The following FHIT variants were observed in gnomAD, a reference collection of about 807,000 sequenced individuals.
FHIT encodes the protein bis(5'-adenosyl)-triphosphatase.
A neutral mutation model predicts 17.9 loss-of-function variants in FHIT; 19 were observed. The observed-to-expected ratio is 1.06, with a 90% CI of 0.74 to 1.56. The LOEUF is 1.56. Ranked by LOEUF, FHIT falls within the 40% of genes most tolerant of loss-of-function variation. FHIT has a pLI of 0.00. For synonymous variants in FHIT, 81 were observed against 69.7 expected, an observed-to-expected ratio of 1.16 and a Z score of -0.81; for missense variants, 248 against 189.2, an observed-to-expected ratio of 1.31 and a Z score of -1.82.
At chr3:60,907,451 G>T (rs1553764835) in intron 3 of FHIT, among the ~76,000 whole-genome samples, 1 of 152,166 alleles carries the variant, frequency 6.6e-6, no homozygotes, top group African/African-American at 2.4e-5. Context: ...TGTAATCCTT[G>T]ATTGTATTCT....
At chr3:60,698,947 T>C (rs1051551625) in intron 4 of FHIT, among the ~76,000 whole-genome samples, 1 of 152,172 alleles carries the variant, frequency 6.6e-6, no homozygotes, top group African/African-American at 2.4e-5. Flanking sequence ...CTCCCATTCA[T>C]CTTAATACAT....
chr3:60,123,294 T>G (rs372269918), intron 5 of FHIT, among the ~76,000 whole-genome samples: 2 of 152,326 alleles, frequency 1.3e-5, no homozygotes, highest in South Asian at 2.1e-4. Flanking sequence ...TACTGAAATA[T>G]AAAGTATGAT....
At chr3:60,278,755 T>A (rs1177345977) in intron 5 of FHIT, among the ~76,000 whole-genome samples, 1 of 151,930 alleles carries the variant, frequency 6.6e-6, no homozygotes, top group African/African-American at 2.4e-5. Context: ...TCACTCGAGG[T>A]ATTATTTCCA....
At chr3:60,260,286 T>A (rs1283706576) in intron 5 of FHIT, among the ~76,000 whole-genome samples, 1 of 151,510 alleles carries the variant, frequency 6.6e-6, no homozygotes, top group Non-Finnish European at 1.5e-5. Flanking sequence ...GTAACACAGC[T>A]AGATATTTAA....
At chr3:60,326,030 T>A (rs1435950761) in intron 5 of FHIT, among the ~76,000 whole-genome samples, 1 of 152,088 alleles carries the variant, frequency 6.6e-6, no homozygotes, top group Non-Finnish European at 1.5e-5. Flanking sequence ...AGATAAGAAC[T>A]TGACCATGAG....
At chr3:60,877,172 G>A (rs1433785345) in intron 3 of FHIT, among the ~76,000 whole-genome samples, 2 of 152,178 alleles carry the variant, frequency 1.3e-5, no homozygotes, top group African/African-American at 4.8e-5. Flanking sequence ...CATGGCAACT[G>A]TGCTATATCA....
Position 60,955,635 on chromosome 3 carries a change from C to CATGTATATATATATATATATATATACAT in FHIT, c.-111+86411_-111+86412insATGTATATATATATATATATATATACAT. ...ATATATATATATATATATATATATACACACACACACATATATACATGTGAC... is the reference window on the plus strand; with the variant it reads ...ATATATATATATATATATATATATACATGTATATATATATATATATATATACATACACACACACATATATACATGTGAC... On this transcript the variant is annotated intron_variant, in intron 3 of 9. Coordinates refer to ENST00000492590, the MANE Select transcript of FHIT (RefSeq NM_002012.4). 1.2e-4 allele frequency among the ~76,000 whole-genome samples: 6 copies of CATGTATATATATATATATATATATACAT among 48,366 alleles called. No individual in the cohort carries two copies. In the East Asian group the frequency reaches 3.1e-3, roughly 25 times the overall value. The allele number at this position is 48,366 out of a possible 152,430, so 31.7% of individuals were successfully genotyped here.
At chr3:60,033,155 G>C (rs1701072687) in intron 5 of FHIT, among the ~76,000 whole-genome samples, 2 of 152,108 alleles carry the variant, frequency 1.3e-5, no homozygotes, top group Admixed American at 1.3e-4. Flanking sequence ...TTTTAAAACA[G>C]TCAAAGAACT....
intron 7 of FHIT, among the ~76,000 whole-genome samples, chr3:60,007,675 TAA>T (rs1699977534): frequency 6.6e-6 from 1 of 152,094 alleles, no homozygotes; most frequent in African/African-American, 2.4e-5. Context: ...CCTTTAGAAA[TAA>T]AGACCTAAAG....
chr3:60,172,115 A>G (rs1391179284), intron 5 of FHIT, among the ~76,000 whole-genome samples: 1 of 152,220 alleles, frequency 6.6e-6, no homozygotes, highest in Admixed American at 6.5e-5. Flanking sequence ...GTTTCTTAAT[A>G]CAACAAAAGG....
intron 4 of FHIT, among the ~76,000 whole-genome samples, chr3:60,707,425 T>C (rs79803590): frequency 6.6e-6 from 1 of 152,214 alleles, no homozygotes; most frequent in Non-Finnish European, 1.5e-5. Flanking sequence ...AGAGTATTTA[T>C]TGAATCTATC....
chr3:60,809,358 A>G (rs1461637775), intron 4 of FHIT, among the ~76,000 whole-genome samples: 3 of 152,166 alleles, frequency 2.0e-5, no homozygotes, highest in Admixed American at 1.3e-4. Flanking sequence ...AGGCAATAGA[A>G]TATGTGTGTA....
At chr3:60,651,541 C>CT (rs11328354) in intron 4 of FHIT, among the ~76,000 whole-genome samples, 1,993 of 148,214 alleles carry the variant, frequency 0.013, 44 homozygotes, top group African/African-American at 0.043. Context: ...TAGATCCAAT[C>CT]TTTTTTTTTT....
At chr3:60,153,568 A>G (rs1700560069) in intron 5 of FHIT, among the ~76,000 whole-genome samples, 1 of 152,176 alleles carries the variant, frequency 6.6e-6, no homozygotes, top group African/African-American at 2.4e-5. Context: ...GTCAATTGCC[A>G]TGGGGCACAA....
At chr3:60,291,908 C>G (rs373799361) in intron 5 of FHIT, among the ~76,000 whole-genome samples, 1 of 152,144 alleles carries the variant, frequency 6.6e-6, no homozygotes, top group East Asian at 1.9e-4. Flanking sequence ...GTATGCTCCC[C>G]TGAAGACTTC....
At position 59,838,774 on chromosome 3, in the gene FHIT, G is replaced by A. The variant is rs191420996; in HGVS notation, c.348+83572C>T. The stretch of plus-strand genomic sequence containing the variant: ...GCATGAAACTCAAGCAAAAGTACTT[G>A]TACACATTCAGATTTTTTTCCAGTC... On this transcript the variant is annotated intron_variant, in intron 8 of 9. Transcript: ENST00000492590. 3.0e-4 allele frequency among the ~76,000 whole-genome samples: 46 copies of A among 152,248 alleles called. No individual in the cohort carries two copies. In the East Asian group the frequency reaches 8.5e-3, roughly 28 times the overall value.
chr3:59,827,539 C>A (rs1287275622), intron 8 of FHIT, among the ~76,000 whole-genome samples: 1 of 152,178 alleles, frequency 6.6e-6, no homozygotes, highest in African/African-American at 2.4e-5. Flanking sequence ...ATACTGCGAG[C>A]AGCTATGCTA....
At chr3:60,303,578 C>A (rs1029025240) in intron 5 of FHIT, among the ~76,000 whole-genome samples, 2 of 152,160 alleles carry the variant, frequency 1.3e-5, no homozygotes, top group African/African-American at 2.4e-5. Flanking sequence ...TTCTGTCCCA[C>A]AGGCTGTGAT....
chr3:60,514,119 C>G (rs1052846491), intron 5 of FHIT, among the ~76,000 whole-genome samples: 5 of 152,200 alleles, frequency 3.3e-5, no homozygotes, highest in Admixed American at 3.3e-4. Flanking sequence ...ACACACTACC[C>G]TTCAATCCAT....
Sources: allele counts gnomAD v4.1 joint callset (sites outside exome capture counted in the v4.1 genomes callset), GRCh38; gene constraint gnomAD v4.1.1; transcripts MANE v1.5; gene names NCBI Gene and HGNC (gene_info 2026-07-23, HGNC 2026-07-21).